Variants in GYS1 observed in about 807,000 individuals in gnomAD.
GYS1 encodes glycogen [starch] synthase, muscle.
GYS1 carries 60 observed loss-of-function variants against 89.1 expected under a neutral mutation model. That is an observed-to-expected ratio of 0.67 (90% CI 0.55 to 0.84). The LOEUF is 0.84. Among genes scored for constraint, GYS1 ranks in the 40% least tolerant of loss-of-function variants. GYS1 has a pLI of 0.00. For missense variants in GYS1, 888 were observed against 1,003.1 expected (o/e 0.89, Z 1.55); for synonymous variants, 366 against 401.7 (o/e 0.91, Z 1.06).
rs537666737 is a variant in GYS1 at position 48,993,188 on chromosome 19, G to A, written c.-76C>T. The A allele has an allele frequency of 3.5e-6, 3 of 857,140 alleles. No individual in the cohort carries two copies. The highest frequency in any genetic ancestry group is 2.6e-5 in the South Asian group (2 of 75,820). The allele number at this position is 857,140 out of a possible 1,614,324, so 53.1% of individuals were successfully genotyped here. The stretch of plus-strand genomic sequence containing the variant: ...GGTGTCTAGGGAATGCACCAGGTAG[G>A]GTGCGGGGCCGAGTAGCTGGTGCCC... On this transcript the variant is annotated 5_prime_UTR_variant, in exon 1 of 16. Coordinates refer to ENST00000323798, the MANE Select transcript of GYS1 (RefSeq NM_002103.5).
chr19:48,988,029 C>T (rs962077438), intron 2 of GYS1, among the ~76,000 whole-genome samples: 1 of 152,176 alleles, frequency 6.6e-6, no homozygotes, highest in African/African-American at 2.4e-5. Flanking sequence ...ATCTCCATTT[C>T]CCGACCTTGT....
In GYS1 at chr19:48,970,598, C is replaced by A. The variant is rs1454343943; in HGVS notation, c.1757G>T (p.Arg586Leu). The change falls in exon 14 of 16, where the codon CGG (arginine) becomes CTG (leucine). Residue 586 changes from arginine (R) to leucine (L), a missense_variant. Coordinates refer to ENST00000323798, the MANE Select transcript of GYS1 (RefSeq NM_002103.5). ...GTCGGAGAGGCGCTCCGTGCGGTTC[C>A]GCTGGATGATACGCTGCCGCCGGCT... ...QQSRRQRIIQ[R>L]NRTERLSDLL... is the part of the protein sequence containing the mutation. The A allele has an allele frequency of 1.9e-6, 3 of 1,613,796 alleles. No individual in the cohort carries two copies. The highest frequency in any genetic ancestry group is 2.5e-6 in the Non-Finnish European group (3 of 1,179,944).
In GYS1 at chr19:48,987,185, G is replaced by A. The variant is rs191213443; in HGVS notation, c.492+9C>T. On this transcript the variant is annotated intron_variant, in intron 3 of 15. Transcript: ENST00000323798. ...CAGGTATGGGTGGAATGTGTCAGAC[G>A]GGGCCTACCTCACCCAGGAACCAGG... 1.0e-3 allele frequency: 1,611 copies of A among 1,598,558 alleles called. 18 individuals carry two copies. The South Asian group carries it at 0.015, about 15-fold the overall frequency.
At chr19:48,970,256 C>T in intron 14 of GYS1, 2 of 471,124 alleles carry the variant, frequency 4.2e-6, no homozygotes, top group South Asian at 2.2e-5. Context: ...TCCCCAGTAG[C>T]TGGGACTACA....
chr19:48,991,551 G>A lies in GYS1; in HGVS notation c.119-68C>T. On this transcript the variant is annotated intron_variant, in intron 1 of 15. Transcript: ENST00000323798. The surrounding 1 kb of genome is among the most constrained non-coding windows in gnomAD (Gnocchi z 4.7). ...ATAGTTCTGGGGCCTGGGGTGGGGT[G>A]GGCCGGGGATGTAGGGGGCACTCAG... The A allele has an allele frequency of 1.3e-6, 2 of 1,526,554 alleles. No homozygotes were observed. The highest frequency in any genetic ancestry group is 1.8e-6 in the Non-Finnish European group (2 of 1,104,152). The allele number at this position is 1,526,554 out of a possible 1,614,324, so 94.6% of individuals were successfully genotyped here. A position where few individuals can be genotyped will look rare whatever the true frequency, so the allele number is the denominator to read the frequency against.
chr19:48,981,441 CAAAA>C (rs1310247595), intron 8 of GYS1, 85 bp downstream of exon 8: 29 of 796,966 alleles, frequency 3.6e-5, no homozygotes, highest in Middle Eastern at 4.4e-4. Context: ...ACAAACAAAA[CAAAA>C]AACTGAGACT....
Position 48,980,181 on chromosome 19 carries a change from C to T in GYS1, c.1169+1349G>A, listed in dbSNP as rs1035137476. 2.4e-4 allele frequency among the ~76,000 whole-genome samples: 37 copies of T among 152,150 alleles called. 1 individual carries two copies. The highest frequency in any genetic ancestry group is 1.8e-3 in the Admixed American group (27 of 15,266). ...CGTCTCAATCATGCCTCGGGGCCTT[C>T]GAGTTTGCTGTTCCTCAGATACCCA... On this transcript the variant is annotated intron_variant, in intron 8 of 15. Transcript: ENST00000323798.
chr19:48,973,798 T>G (rs1222311562), intron 12 of GYS1, among the ~76,000 whole-genome samples: 1 of 152,170 alleles, frequency 6.6e-6, no homozygotes, highest in Non-Finnish European at 1.5e-5. Flanking sequence ...ATTACAGGCA[T>G]GAGCCACCAC....
intron 10 of GYS1, among the ~76,000 whole-genome samples, chr19:48,977,270 C>T (rs1300614517): frequency 6.6e-6 from 1 of 152,110 alleles, no homozygotes. Flanking sequence ...CACACCTGGC[C>T]CTTTATTACA....
chr19:48,974,999 C>T (rs890136583), intron 10 of GYS1, among the ~76,000 whole-genome samples: 4 of 152,114 alleles, frequency 2.6e-5, no homozygotes, highest in African/African-American at 4.8e-5. Flanking sequence ...GGCACAATCT[C>T]GGCTCACTGC....
chr19:48,986,267 G>A (rs2038842522), intron 3 of GYS1, among the ~76,000 whole-genome samples: 1 of 152,116 alleles, frequency 6.6e-6, no homozygotes, highest in South Asian at 2.1e-4. Context: ...GGGGTTGACA[G>A]GAACTGAGGA....
chr19:48,986,017 CCTCA>C lies in GYS1; in HGVS notation c.507_510del (p.Ser169ArgfsTer29). The C allele has an allele frequency of 6.2e-7, 1 of 1,614,148 alleles. No individual in the cohort carries two copies. The highest frequency in any genetic ancestry group is 8.5e-7 in the Non-Finnish European group (1 of 1,180,018). On this transcript the variant is annotated frameshift_variant, in exon 4 of 16. Transcript: ENST00000323798. LOFTEE classifies it high-confidence loss of function. The stretch of plus-strand genomic sequence containing the variant: ...AAGTGAGCAACCACATGTGGCTTCT[CCTCA>C]CTCTGTGCCAGGAACTGTGGGCAAC...
intron 7 of GYS1, 64 bp from the exon 8 acceptor site, chr19:48,981,700 T>C: frequency 9.5e-7 from 1 of 1,056,230 alleles, no homozygotes; most frequent in East Asian, 2.4e-5. Flanking sequence ...CCAGCCAGCC[T>C]TTCTGTCAAG....
rs1406106140 is a variant in GYS1, at chr19:48,969,333, G to A, written c.2169C>T (p.Ser723=). The A allele has an allele frequency of 3.8e-6, 6 of 1,583,524 alleles. No homozygotes were observed. Among genetic ancestry groups the A allele is most frequent in the Non-Finnish European group, 4.3e-6 (5 of 1,171,050 alleles). ...TATSSSLSTP[S]EPLSPTSSLG... ...GGGAGCTGGTGGGGCTGAGGGGCTC[G>A]CTCGGGGTGCTGAGTGAGCTGGAGG... The change falls in exon 16 of 16, where the codon AGC becomes AGT. Residue 723 remains serine, a synonymous_variant. Transcript: ENST00000323798.
Position 48,968,876 on chromosome 19 carries a change from G to A in GYS1, c.*412C>T, listed in dbSNP as rs759780377. The A allele has an allele frequency of 1.9e-5, 9 of 468,234 alleles. No individual in the cohort carries two copies. The highest frequency in any genetic ancestry group is 3.4e-5 in the Non-Finnish European group (8 of 236,826). 29.0% of individuals were successfully genotyped at this position (468,234 alleles called of 1,614,324 possible). The stretch of plus-strand genomic sequence containing the variant: ...CGTGGTTTCCAGAACTTGGTGGCCC[G>A]CATGCCGGGCCTGAGCGTGGCCTGC... On this transcript the variant is annotated 3_prime_UTR_variant, in exon 16 of 16. Transcript: ENST00000323798.
intron 1 of GYS1, 92 bp downstream of exon 1, chr19:48,992,903 C>T: frequency 1.2e-6 from 1 of 810,888 alleles, no homozygotes; most frequent in South Asian, 1.3e-5. Context: ...CAAGGGTTCC[C>T]CTAGTAGCCC....
intron 15 of GYS1, 39 bp from the exon 16 acceptor site, chr19:48,969,650 A>G (rs548343389): frequency 6.4e-7 from 1 of 1,565,978 alleles, no homozygotes; most frequent in East Asian, 2.3e-5. Context: ...GGGTGAGCTG[A>G]GGACCTCACA....
At chr19:48,972,404 G>A (rs1198014235) in intron 12 of GYS1, among the ~76,000 whole-genome samples, 4 of 151,120 alleles carry the variant, frequency 2.6e-5, no homozygotes, top group Non-Finnish European at 5.9e-5. Flanking sequence ...GAACTCCTGA[G>A]CTCAAGCTAT....
At chr19:48,970,333 G>A (rs943498679) in intron 14 of GYS1, 2 of 570,166 alleles carry the variant, frequency 3.5e-6, no homozygotes, top group Admixed American at 6.1e-5. Flanking sequence ...TGCCCAGGCT[G>A]GTCTCTTAAC....
Sources: gnomAD v4.1 joint callset for allele counts (sites outside exome capture counted in the v4.1 genomes callset) on GRCh38, gnomAD v4.1.1 for gene constraint, Gnocchi (gnomAD v3.1) non-coding constraint, MANE v1.5 for transcripts, NCBI Gene and HGNC (gene_info 2026-07-23, HGNC 2026-07-21) for gene names.